RELCH: variants seen among roughly 807,000 people sequenced by gnomAD.
RELCH encodes the protein RAB11 binding and LisH domain, coiled-coil and HEAT repeat containing, also known as RAB11-binding protein RELCH.
In RELCH, 41 loss-of-function variants were observed where a neutral mutation model predicts 150.3. The observed-to-expected ratio is 0.27, with a 90% confidence interval of 0.21 to 0.35. The LOEUF is 0.35. RELCH is among the 10% of genes least tolerant of loss of function. The pLI is 1.00. For missense variants in RELCH, 1,092 were observed against 1,467.8 expected (o/e 0.74, Z 4.18); for synonymous variants, 478 against 531.8 (o/e 0.90, Z 1.39).
In RELCH at chr18:62,307,378, G is replaced by T. The variant is rs1157958261; in HGVS notation, c.*1844G>T. The stretch of plus-strand genomic sequence containing the variant: ...ACTATAGTAGAATATGTGTATGTTT[G>T]TTATCAGGTGAATGGGTAGAATGTA... On this transcript the variant is annotated 3_prime_UTR_variant, in exon 29 of 29. Transcript: ENST00000644646. The T allele has an allele frequency of 2.6e-5, 4 of 151,988 alleles. No individual in the cohort carries two copies. Among genetic ancestry groups the T allele is most frequent in the Admixed American group, 2.6e-4 (4 of 15,276 alleles). 9.4% of individuals were successfully genotyped at this position (151,988 alleles called of 1,614,324 possible).
At chr18:62,217,294 T>G (rs1328998789) in intron 2 of RELCH, among the ~76,000 whole-genome samples, 1 of 152,026 alleles carries the variant, frequency 6.6e-6, no homozygotes, top group Non-Finnish European at 1.5e-5. Flanking sequence ...ATCATGGTTT[T>G]CTGTATGATT....
intron 1 of RELCH, among the ~76,000 whole-genome samples, chr18:62,197,948 C>T (rs2039158371): frequency 6.6e-6 from 1 of 152,182 alleles, no homozygotes; most frequent in South Asian, 2.1e-4. Context: ...AATGTCTGAT[C>T]TTCAGTTCTG....
chr18:62,204,024 T>A (rs2039622888), intron 1 of RELCH, among the ~76,000 whole-genome samples: 1 of 152,122 alleles, frequency 6.6e-6, no homozygotes, highest in African/African-American at 2.4e-5. Flanking sequence ...TTTATTCTAT[T>A]TTTTACACAA....
intron 28 of RELCH, chr18:62,300,020 C>T (rs12326890): frequency 2.2e-4 from 33 of 152,146 alleles, no homozygotes; most frequent in African/African-American, 7.0e-4. Flanking sequence ...AGTCAGGGTC[C>T]AAATGAGTTC....
intron 15 of RELCH, among the ~76,000 whole-genome samples, chr18:62,260,193 C>CAAAAAAAAAAAAAAA (rs377119786): frequency 2.4e-4 from 23 of 95,766 alleles, no homozygotes; most frequent in Middle Eastern, 6.1e-3. Flanking sequence ...AACTCAACAG[C>CAAAAAAAAAAAAAAA]AAAAAAAAAA....
At chr18:62,275,250 G>A (rs115138426) in intron 21 of RELCH, 124 bp from the exon 22 acceptor site, 346 of 538,998 alleles carry the variant, frequency 6.4e-4, no homozygotes, top group African/African-American at 6.3e-3. Flanking sequence ...ACCAAACAAA[G>A]TAATTCCATA....
At position 62,305,199 on chromosome 18, in the gene RELCH, G is replaced by T. The variant is rs550157761; in HGVS notation, c.3531-215G>T. ...CAAGATTCAGTCCAGTCCCAGACTT[G>T]TTCCTAACCACTACACATACTGCTT... On this transcript the variant is annotated intron_variant, in intron 28 of 28. Coordinates refer to ENST00000644646, the MANE Select transcript of RELCH (RefSeq NM_001346231.2). The surrounding 1 kb of genome is among the most constrained non-coding windows in gnomAD (Gnocchi z 4.0). Among the ~76,000 whole-genome samples the T allele has an allele frequency of 1.1e-4, 17 of 152,242 alleles. No individual in the cohort carries two copies. The highest frequency in any genetic ancestry group is 3.9e-4 in the African/African-American group (16 of 41,532).
chr18:62,252,162 A>ATT (rs138202096), intron 11 of RELCH, among the ~76,000 whole-genome samples: 3 of 133,930 alleles, frequency 2.2e-5, no homozygotes, highest in Admixed American at 1.5e-4. Flanking sequence ...CGCCCGGCTA[A>ATT]TTTTTTTTTT....
Position 62,268,955 on chromosome 18 carries a change from G to GA in RELCH, c.2760+12dup. The stretch of plus-strand genomic sequence containing the variant: ...CCTTACGTGTTATATTCAGGTAAGG[G>GA]AAAAATTCTTACTCTCTAGTAAAAG... On this transcript the variant is annotated splice_region_variant and intron_variant, in intron 20 of 28. Transcript: ENST00000644646. 6.8e-7 allele frequency: 1 copy of GA among 1,465,060 alleles called. No homozygotes were observed. The highest frequency in any genetic ancestry group is 1.4e-5 in the South Asian group (1 of 71,720). 90.8% of individuals were successfully genotyped at this position (1,465,060 alleles called of 1,614,324 possible).
At chr18:62,210,878 T>A (rs1441763768) in intron 1 of RELCH, among the ~76,000 whole-genome samples, 1 of 152,190 alleles carries the variant, frequency 6.6e-6, no homozygotes, top group Non-Finnish European at 1.5e-5. Flanking sequence ...CAAACTTCTG[T>A]TTTGTTTGTT....
At chr18:62,237,235 G>T (rs1205846792) in intron 10 of RELCH, among the ~76,000 whole-genome samples, 1 of 151,774 alleles carries the variant, frequency 6.6e-6, no homozygotes, top group East Asian at 1.9e-4. Context: ...CGTTCTGTGT[G>T]CATTTGAGAA....
At chr18:62,194,622 G>A (rs1472613668) in intron 1 of RELCH, among the ~76,000 whole-genome samples, 1 of 152,098 alleles carries the variant, frequency 6.6e-6, no homozygotes, top group African/African-American at 2.4e-5. Flanking sequence ...AAATTATATT[G>A]TCTAGGACAG....
chr18:62,282,040 G>T (rs1317774462), intron 24 of RELCH, among the ~76,000 whole-genome samples: 2 of 152,076 alleles, frequency 1.3e-5, no homozygotes, highest in Non-Finnish European at 2.9e-5. Context: ...AATACGGTGG[G>T]ATTTTTTTTC....
chr18:62,231,338 T>C, intron 9 of RELCH, 69 bp downstream of exon 9: 1 of 968,954 alleles, frequency 1.0e-6, no homozygotes, highest in South Asian at 1.4e-5. Context: ...TTTAAGTTTC[T>C]CTTCTACAGA....
At chr18:62,213,760 T>C (rs1199900154) in intron 2 of RELCH, among the ~76,000 whole-genome samples, 1 of 148,390 alleles carries the variant, frequency 6.7e-6, no homozygotes, top group Non-Finnish European at 1.5e-5. Context: ...AGATCATTAA[T>C]TGTTTGGTAT....
At chr18:62,295,304 C>T (rs1212799243) in intron 27 of RELCH, among the ~76,000 whole-genome samples, 2 of 149,672 alleles carry the variant, frequency 1.3e-5, no homozygotes, top group African/African-American at 4.9e-5. Flanking sequence ...GAGCCACCAT[C>T]CCCAGCCTGG....
At chr18:62,224,963 C>G (rs544934097) in intron 5 of RELCH, among the ~76,000 whole-genome samples, 1 of 151,966 alleles carries the variant, frequency 6.6e-6, no homozygotes, top group East Asian at 1.9e-4. Flanking sequence ...GGCTTCAAGT[C>G]TTAAAAGATA....
chr18:62,280,694 A>G lies in RELCH; in HGVS notation c.3099A>G (p.Thr1033=). 1 of 1,603,928 alleles carries G rather than the reference A, an allele frequency of 6.2e-7. No homozygotes were observed. Among genetic ancestry groups the G allele is most frequent in the South Asian group, 1.1e-5 (1 of 90,840 alleles). ...CAGCCTTTGGCACTATTATGGAAACAGTAATTCAAAGAGAGGTAGGAATAA... is the reference window on the plus strand; with the variant it reads ...CAGCCTTTGGCACTATTATGGAAACGGTAATTCAAAGAGAGGTAGGAATAA... ...TIPAFGTIME[T]VIQRELLERV... Residue 1033 remains threonine (T), a synonymous_variant, in exon 24 of 29, where the codon ACA becomes ACG. Transcript: ENST00000644646.
chr18:62,274,177 A>C (rs2044066716), intron 21 of RELCH, 91 bp downstream of exon 21: 2 of 752,976 alleles, frequency 2.7e-6, no homozygotes, highest in African/African-American at 3.6e-5. Flanking sequence ...AAAAGAGTTG[A>C]CATGCACACC....
Sources: allele counts gnomAD v4.1 joint callset (sites outside exome capture counted in the v4.1 genomes callset), GRCh38; gene constraint gnomAD v4.1.1; non-coding constraint Gnocchi (gnomAD v3.1); transcripts MANE v1.5; gene names NCBI Gene and HGNC (gene_info 2026-07-23, HGNC 2026-07-21).